The following SEPTIN6 variants were observed in gnomAD, a reference collection of about 807,000 sequenced individuals.
SEPTIN6 encodes septin-6.
SEPTIN6 carries 8 observed loss-of-function variants against 33.6 expected under a neutral mutation model. The observed-to-expected ratio is 0.24, with a 90% confidence interval of 0.14 to 0.43. The LOEUF (loss-of-function observed/expected upper bound fraction) is 0.43. SEPTIN6 is among the 20% of genes least tolerant of loss of function. The probability of loss-of-function intolerance (pLI) is 1.00; values close to 1 mark genes in which losing one functional copy is unlikely to be tolerated. For synonymous variants in SEPTIN6, 131 were observed against 140.0 expected, an observed-to-expected ratio of 0.94 and a Z score of 0.45; for missense variants, 250 against 340.8, an observed-to-expected ratio of 0.73 and a Z score of 2.10.
In SEPTIN6 at chrX:119,673,208, T is replaced by G; in HGVS notation, c.145+2346A>C. ...CAACACAGTGAGACCTCACCTCATC[T>G]CTACGAAAAAAATGAGCCCGGTCGC... On this transcript the variant is annotated intron_variant, in intron 2 of 10. Coordinates refer to ENST00000394610, the MANE Select transcript of SEPTIN6 (RefSeq NM_145799.4). Among the ~76,000 whole-genome samples the G allele has an allele frequency of 4.5e-5, 5 of 111,240 alleles. No individual in the cohort carries two copies. The South Asian group carries it at 1.9e-3, about 42-fold the overall frequency.
chrX:119,692,866 C>T (rs1357227477), intron 1 of SEPTIN6, among the ~76,000 whole-genome samples: 3 of 112,562 alleles, frequency 2.7e-5, no homozygotes, highest in African/African-American at 6.4e-5. Context: ...TGCCTGCCCC[C>T]CTGCCGCCCC....
rs141383754 is a variant in SEPTIN6 at position 119,653,845 on chromosome X, G to A, written c.342-805C>T. 3.7e-3 allele frequency among the ~76,000 whole-genome samples: 418 copies of A among 111,577 alleles called. 6 individuals are homozygous for A. Among genetic ancestry groups the A allele is most frequent in the African/African-American group, 0.013 (401 of 30,692 alleles). ...AGCACTTTGGGAGGCTGAGACGGGC[G>A]GATCTTCTGAGCTCAGGATTCGAGA... On this transcript the variant is annotated intron_variant, in intron 3 of 10. Transcript: ENST00000394610.
At chrX:119,687,923 C>T (rs749437741) in intron 1 of SEPTIN6, among the ~76,000 whole-genome samples, 1 of 111,921 alleles carries the variant, frequency 8.9e-6, no homozygotes, top group Admixed American at 9.5e-5. Flanking sequence ...TTAAGAACAC[C>T]GCTAACACTC....
intron 2 of SEPTIN6, among the ~76,000 whole-genome samples, chrX:119,673,710 C>T (rs1270614972): frequency 2.8e-5 from 3 of 108,156 alleles, no homozygotes; most frequent in Admixed American, 2.0e-4. Context: ...GGGTGTGTGG[C>T]GTGCACCTAT....
At position 119,619,302 on chromosome X, in the gene SEPTIN6, A is replaced by G; in HGVS notation, c.*791T>C. 1.2e-6 allele frequency: 1 copy of G among 814,469 alleles called. No individual in the cohort carries two copies. Among genetic ancestry groups the G allele is most frequent in the Non-Finnish European group, 1.5e-6 (1 of 676,852 alleles). The allele number at this position is 814,469 out of a possible 1,213,427, so 67.1% of individuals were successfully genotyped here. A position where few individuals can be genotyped will look rare whatever the true frequency, so the allele number is the denominator to read the frequency against. On this transcript the variant is annotated 3_prime_UTR_variant, in exon 11 of 11. Coordinates refer to ENST00000394610, the MANE Select transcript of SEPTIN6 (RefSeq NM_145799.4). ...CTCACAAGAAGAATTCGGTAAGGCTATCATTCAAGACTCTAGGCTGGTAAT... is the reference window on the plus strand; with the variant it reads ...CTCACAAGAAGAATTCGGTAAGGCTGTCATTCAAGACTCTAGGCTGGTAAT...
In SEPTIN6 at chrX:119,619,476, G is replaced by T; in HGVS notation, c.*617C>A. On this transcript the variant is annotated 3_prime_UTR_variant, in exon 11 of 11. Transcript: ENST00000394610. ...TGCCGATTTTGAGCACAGCTTGAGT[G>T]CAGTTACTTCGAGTGAATGAAAACT... 1.2e-6 allele frequency: 1 copy of T among 814,942 alleles called. No homozygotes were observed. Among genetic ancestry groups the T allele is most frequent in the Non-Finnish European group, 1.5e-6 (1 of 676,753 alleles). The allele number at this position is 814,942 out of a possible 1,213,427, so 67.2% of individuals were successfully genotyped here. A position where few individuals can be genotyped will look rare whatever the true frequency, so the allele number is the denominator to read the frequency against.
intron 4 of SEPTIN6, among the ~76,000 whole-genome samples, chrX:119,652,598 C>G (rs1175760961): frequency 1.8e-5 from 2 of 111,680 alleles, no homozygotes; most frequent in African/African-American, 6.5e-5. Context: ...CCCCTAGACC[C>G]AGGGAGCCAT....
At chrX:119,653,312 A>G (rs978810594) in intron 3 of SEPTIN6, among the ~76,000 whole-genome samples, 1 of 111,885 alleles carries the variant, frequency 8.9e-6, no homozygotes, top group African/African-American at 3.2e-5. Flanking sequence ...CTCAGGGCTC[A>G]GCTTAATGTC....
intron 2 of SEPTIN6, among the ~76,000 whole-genome samples, chrX:119,666,267 G>A (rs2054638034): frequency 8.9e-6 from 1 of 111,748 alleles, no homozygotes; most frequent in Non-Finnish European, 1.9e-5. Context: ...TCACAGTCGG[G>A]ACTGGGTTTG....
intron 10 of SEPTIN6, among the ~76,000 whole-genome samples, chrX:119,622,130 G>A (rs1216363515): frequency 9.0e-6 from 1 of 111,667 alleles, no homozygotes; most frequent in East Asian, 2.8e-4. Flanking sequence ...CTACTTCCTA[G>A]GGGAAGAGTA....
At chrX:119,625,813 A>C (rs752082047) in intron 9 of SEPTIN6, among the ~76,000 whole-genome samples, 13 of 111,798 alleles carry the variant, frequency 1.2e-4, no homozygotes, top group Non-Finnish European at 2.1e-4. Flanking sequence ...GGCCTCCCAA[A>C]GTATTGGGAT....
intron 2 of SEPTIN6, among the ~76,000 whole-genome samples, chrX:119,669,858 T>C (rs887381280): frequency 8.9e-5 from 10 of 111,923 alleles, no homozygotes; most frequent in Non-Finnish European, 1.9e-4. Flanking sequence ...GCCTCAATCC[T>C]GCTTCTCTTG....
chrX:119,626,668 T>C (rs1170238071), intron 9 of SEPTIN6, among the ~76,000 whole-genome samples: 1 of 111,036 alleles, frequency 9.0e-6, no homozygotes, highest in Non-Finnish European at 1.9e-5. Flanking sequence ...GTAAGAAAAA[T>C]TTCTGGACTA....
intron 1 of SEPTIN6, among the ~76,000 whole-genome samples, chrX:119,688,895 CTA>C (rs1285316829): frequency 7.5e-4 from 83 of 110,811 alleles, no homozygotes; most frequent in African/African-American, 2.4e-3. Context: ...GTTTTGTTTT[CTA>C]TGTTTGAGGT....
At chrX:119,687,787 C>T (rs2055084846) in intron 1 of SEPTIN6, among the ~76,000 whole-genome samples, 3 of 112,134 alleles carry the variant, frequency 2.7e-5, no homozygotes, top group African/African-American at 9.7e-5. Context: ...TGCTTGGTAA[C>T]AAAGCCAGCA....
chrX:119,657,544 G>T (rs2054467947), intron 3 of SEPTIN6, among the ~76,000 whole-genome samples: 1 of 110,938 alleles, frequency 9.0e-6, no homozygotes, highest in African/African-American at 3.3e-5. Flanking sequence ...ACGAGGCCTC[G>T]CTCTATTGCC....
intron 5 of SEPTIN6, among the ~76,000 whole-genome samples, chrX:119,643,971 A>G (rs1271322191): frequency 9.0e-6 from 1 of 111,721 alleles, no homozygotes; most frequent in Non-Finnish European, 1.9e-5. Flanking sequence ...CAACCAGAAT[A>G]GAGTCGAGCA....
At chrX:119,620,319 CTTTTTTTT>C (rs11374271) in intron 10 of SEPTIN6, among the ~76,000 whole-genome samples, 2 of 95,885 alleles carry the variant, frequency 2.1e-5, no homozygotes, top group Non-Finnish European at 4.2e-5. Context: ...ATCTTTCTTT[CTTTTTTTT>C]TTTTTTTTTG....
At chrX:119,620,773 A>T (rs2053742853) in intron 10 of SEPTIN6, among the ~76,000 whole-genome samples, 1 of 109,100 alleles carries the variant, frequency 9.2e-6, no homozygotes, top group African/African-American at 3.4e-5. Context: ...GGCGCCTGCC[A>T]CCACGCTCGG....
Sources: gnomAD v4.1 joint callset for allele counts (sites outside exome capture counted in the v4.1 genomes callset) on GRCh38, gnomAD v4.1.1 for gene constraint, MANE v1.5 for transcripts, NCBI Gene and HGNC (gene_info 2026-07-23, HGNC 2026-07-21) for gene names.